C7orf33: variants seen among roughly 807,000 people sequenced by gnomAD.
The protein encoded by C7orf33 is chromosome 7 open reading frame 33.
C7orf33 carries 15 observed loss-of-function variants against 13.4 expected under a neutral mutation model. The ratio of observed to expected loss-of-function variants is 1.12; its 90% CI spans 0.75 to 1.72. C7orf33 has a LOEUF of 1.72. C7orf33 is among the 40% of genes most tolerant of loss of function. The pLI, the probability that C7orf33 is intolerant of heterozygous loss-of-function variation, is 0.00. For missense variants in C7orf33, 187 were observed against 220.3 expected (o/e 0.85, Z 0.96); for synonymous variants, 73 against 83.2 (o/e 0.88, Z 0.67).
rs144529194 is a variant in C7orf33 at position 148,613,592 on chromosome 7, T to C, written c.205-450T>C. On this transcript the variant is annotated intron_variant, in intron 1 of 2. Coordinates refer to ENST00000307003, the MANE Select transcript of C7orf33 (RefSeq NM_145304.4). ...AATACTACATGTTTGATTCTATTTA[T>C]GTGAAATGTCCAGATTGGCAAATCC... 6.9e-3 allele frequency among the ~76,000 whole-genome samples: 1,046 copies of C among 152,348 alleles called. 8 individuals are homozygous for C. Among genetic ancestry groups the C allele is most frequent in the African/African-American group, 0.024 (986 of 41,572 alleles).
At chr7:148,597,745 T>TTTTG (rs1400547049) in intron 1 of C7orf33, among the ~76,000 whole-genome samples, 10 of 147,420 alleles carry the variant, frequency 6.8e-5, no homozygotes, top group Non-Finnish European at 1.3e-4. Flanking sequence ...TTTTGTTTTG[T>TTTTG]TTTGTTTTGT....
At chr7:148,605,960 C>A (rs1796468733) in intron 1 of C7orf33, among the ~76,000 whole-genome samples, 1 of 152,152 alleles carries the variant, frequency 6.6e-6, no homozygotes, top group East Asian at 1.9e-4. Flanking sequence ...TGAAATGATC[C>A]TGGGTGGTTT....
chr7:148,604,801 C>T (rs1252486914), intron 1 of C7orf33, among the ~76,000 whole-genome samples: 1 of 152,122 alleles, frequency 6.6e-6, no homozygotes, highest in Non-Finnish European at 1.5e-5. Flanking sequence ...CAGGAAGAAT[C>T]CAAATTTTTC....
rs28572729 is a variant in C7orf33, at chr7:148,599,348, T to C, written c.204+8219T>C. ...ACAAATGAAACCCCTGAACAATATG[T>C]CTAAATATGAAAAAGTTTGAAGTCA... On this transcript the variant is annotated intron_variant, in intron 1 of 2. Transcript: ENST00000307003. Among the ~76,000 whole-genome samples the C allele has an allele frequency of 7.2e-3, 1,089 of 152,192 alleles. 8 individuals carry two copies. Among genetic ancestry groups the C allele is most frequent in the African/African-American group, 0.025 (1,037 of 41,518 alleles).
rs184254559 is a variant in C7orf33 at position 148,613,630 on chromosome 7, C to T, written c.205-412C>T. ...GATTGGCAAATCCATAGAGGTAGAA[C>T]GTAGATTAGTGGTTGCCTGGGGAGA... On this transcript the variant is annotated intron_variant, in intron 1 of 2. Transcript: ENST00000307003. 3.9e-4 allele frequency among the ~76,000 whole-genome samples: 59 copies of T among 152,186 alleles called. 1 individual carries two copies. Among genetic ancestry groups the T allele is most frequent in the African/African-American group, 1.4e-3 (57 of 41,520 alleles).
At chr7:148,593,964 G>A (rs754166541) in intron 1 of C7orf33, among the ~76,000 whole-genome samples, 10 of 152,118 alleles carry the variant, frequency 6.6e-5, no homozygotes, top group African/African-American at 2.4e-4. Context: ...CTGTCCTTGC[G>A]ATAGTGAGTG....
intron 1 of C7orf33, among the ~76,000 whole-genome samples, chr7:148,595,607 TTATA>T (rs567692362): frequency 8.1e-6 from 1 of 122,966 alleles, no homozygotes; most frequent in Admixed American, 8.8e-5. Context: ...GATATACATA[TTATA>T]TATATTATAT....
intron 1 of C7orf33, among the ~76,000 whole-genome samples, chr7:148,602,100 A>G (rs1796423338): frequency 1.3e-5 from 2 of 152,204 alleles, no homozygotes; most frequent in Admixed American, 1.3e-4. Flanking sequence ...TGGAAAATCT[A>G]TATGAATCTC....
chr7:148,615,150 G>A (rs767882822), intron 2 of C7orf33, among the ~76,000 whole-genome samples, 177 bp from the exon 3 acceptor site: 3 of 152,038 alleles, frequency 2.0e-5, no homozygotes, highest in African/African-American at 7.2e-5. Flanking sequence ...TGCTGCCCAG[G>A]CTGGTCTCAA....
chr7:148,607,146 A>T (rs1039568797), intron 1 of C7orf33, among the ~76,000 whole-genome samples: 29 of 152,296 alleles, frequency 1.9e-4, no homozygotes, highest in African/African-American at 7.0e-4. Flanking sequence ...AGGACAAAGG[A>T]AAAGGACTTT....
intron 1 of C7orf33, among the ~76,000 whole-genome samples, chr7:148,611,994 C>T (rs1426496403): frequency 1.3e-5 from 2 of 152,256 alleles, no homozygotes; most frequent in African/African-American, 4.8e-5. Flanking sequence ...CCTGCTCCCT[C>T]CCTGTCCACC....
Position 148,615,555 on chromosome 7 carries a change from G to C in C7orf33, c.*154G>C, listed in dbSNP as rs1033217466. The C allele has an allele frequency of 5.5e-6, 3 of 547,868 alleles. No homozygotes were observed. Among genetic ancestry groups the C allele is most frequent in the African/African-American group, 3.9e-5 (2 of 51,862 alleles). The allele number at this position is 547,868 out of a possible 1,614,324, so 33.9% of individuals were successfully genotyped here. ...CTGAACTTTGAACACCAGCAGACAG[G>C]CTGAGAATTCTCTTTGATCATGAGC... On this transcript the variant is annotated 3_prime_UTR_variant, in exon 3 of 3. Transcript: ENST00000307003.
Position 148,590,846 on chromosome 7 carries a change from G to C in C7orf33, c.-80G>C. 2 of 1,324,606 alleles carry C rather than the reference G, an allele frequency of 1.5e-6. No individual in the cohort carries two copies. Among genetic ancestry groups the C allele is most frequent in the Non-Finnish European group, 2.2e-6 (2 of 925,684 alleles). 82.1% of individuals were successfully genotyped at this position (1,324,606 alleles called of 1,614,324 possible). A position where few individuals can be genotyped will look rare whatever the true frequency, so the allele number is the denominator to read the frequency against. Reference sequence around the variant, plus strand: ...ATCCTCCTACTGACCCTGGGGATCCGTGCGACTTGATCTTAGATATTGGTG... The same window carrying C: ...ATCCTCCTACTGACCCTGGGGATCCCTGCGACTTGATCTTAGATATTGGTG... On this transcript the variant is annotated 5_prime_UTR_variant, in exon 1 of 3. Coordinates refer to ENST00000307003, the MANE Select transcript of C7orf33 (RefSeq NM_145304.4).
At chr7:148,594,186 T>C (rs2116886898) in intron 1 of C7orf33, among the ~76,000 whole-genome samples, 1 of 150,126 alleles carries the variant, frequency 6.7e-6, no homozygotes, top group Middle Eastern at 3.4e-3. Context: ...TTTTTTTTTT[T>C]TTTTCTGAGA....
chr7:148,590,955 T>A lies in C7orf33; in HGVS notation c.30T>A (p.Leu10=). 6.2e-7 allele frequency: 1 copy of A among 1,614,142 alleles called. No homozygotes were observed. Among genetic ancestry groups the A allele is most frequent in the South Asian group, 1.1e-5 (1 of 91,082 alleles). The change falls in exon 1 of 3, where the codon CTT becomes CTA. Residue 10 remains leucine (L), a synonymous_variant. Transcript: ENST00000307003. MQVEVQSLS[L]EECPWRLPGP... Reference sequence around the variant, plus strand: ...AAGTGGAAGTTCAAAGCCTCAGCCTTGAAGAGTGTCCCTGGAGACTTCCAG... The same window carrying A: ...AAGTGGAAGTTCAAAGCCTCAGCCTAGAAGAGTGTCCCTGGAGACTTCCAG...
At chr7:148,602,458 G>A (rs963087160) in intron 1 of C7orf33, among the ~76,000 whole-genome samples, 1 of 152,044 alleles carries the variant, frequency 6.6e-6, no homozygotes, top group Non-Finnish European at 1.5e-5. Flanking sequence ...CTAGCCAGGC[G>A]TGGTGGTGCA....
chr7:148,613,629 A>AC (rs1222247712), intron 1 of C7orf33, among the ~76,000 whole-genome samples: 1 of 152,212 alleles, frequency 6.6e-6, no homozygotes, highest in Non-Finnish European at 1.5e-5. Context: ...TAGAGGTAGA[A>AC]CGTAGATTAG....
intron 1 of C7orf33, among the ~76,000 whole-genome samples, chr7:148,606,691 A>G (rs1796476076): frequency 6.6e-6 from 1 of 152,090 alleles, no homozygotes; most frequent in South Asian, 2.1e-4. Flanking sequence ...GGTTCAAGTG[A>G]TTCTCCTGCC....
Position 148,591,086 on chromosome 7 carries a change from G to A in C7orf33, c.161G>A (p.Gly54Asp). 6.2e-7 allele frequency: 1 copy of A among 1,613,660 alleles called. No homozygotes were observed. Among genetic ancestry groups the A allele is most frequent in the Non-Finnish European group, 8.5e-7 (1 of 1,179,920 alleles). ...GCTGTTTGGGTCCACGTTAGGGGCGGTCCAGGTCAATTTAACTTGTCATAT... is the reference window on the plus strand; with the variant it reads ...GCTGTTTGGGTCCACGTTAGGGGCGATCCAGGTCAATTTAACTTGTCATAT... ...AVAVWVHVRG[G>D]PGQFNLSYAT... Residue 54 changes from glycine (G) to aspartate (D), a missense_variant, in exon 1 of 3, where the codon GGT (glycine) becomes GAT (aspartate). Coordinates refer to ENST00000307003, the MANE Select transcript of C7orf33 (RefSeq NM_145304.4).
Sources: gnomAD v4.1 joint callset for allele counts (sites outside exome capture counted in the v4.1 genomes callset) on GRCh38, gnomAD v4.1.1 for gene constraint, MANE v1.5 for transcripts, NCBI Gene and HGNC (gene_info 2026-07-23, HGNC 2026-07-21) for gene names.